The following GANC variants were observed in gnomAD, a reference collection of about 807,000 sequenced individuals.
GANC encodes the protein glucosidase alpha, neutral C, also known as neutral alpha-glucosidase C.
In GANC, 117 loss-of-function variants were observed where a neutral mutation model predicts 124.2. That is an observed-to-expected ratio of 0.94 (90% confidence interval 0.81 to 1.10). GANC has a LOEUF of 1.10. GANC is among the 50% of genes least tolerant of loss of function. The pLI, the probability that GANC is intolerant of heterozygous loss-of-function variation, is 0.00. For synonymous variants in GANC, 377 were observed against 376.8 expected (o/e 1.00, Z -0.01); for missense variants, 1,140 against 1,095.0 (o/e 1.04, Z -0.58).
chr15:42,322,275 G>A (rs1386556759), intron 11 of GANC, among the ~76,000 whole-genome samples: 1 of 152,084 alleles, frequency 6.6e-6, no homozygotes, highest in Admixed American at 6.5e-5. Flanking sequence ...CGTTTGTTGT[G>A]GCCACCCTGT....
Position 42,286,663 on chromosome 15 carries a change from T to C in GANC, c.202-1028T>C, listed in dbSNP as rs140014238. Among the ~76,000 whole-genome samples the C allele has an allele frequency of 9.7e-3, 1,478 of 152,332 alleles. 15 individuals carry two copies. The highest frequency in any genetic ancestry group is 0.016 in the Non-Finnish European group (1,080 of 68,016). On this transcript the variant is annotated intron_variant, in intron 3 of 23. Coordinates refer to ENST00000318010, the MANE Select transcript of GANC (RefSeq NM_198141.3). ...TCACTGTTCATTATCATGTTACAGT[T>C]TAACTGCCCTGATTGCTTCCCTGTT...
intron 18 of GANC, among the ~76,000 whole-genome samples, chr15:42,342,863 G>A (rs2052337242): frequency 6.6e-6 from 1 of 152,138 alleles, no homozygotes; most frequent in African/African-American, 2.4e-5. Flanking sequence ...TTAATGACAG[G>A]CGATGACCTT....
At position 42,338,448 on chromosome 15, in the gene GANC, A is replaced by G. The variant is rs137930063; in HGVS notation, c.1801A>G (p.Met601Val). The G allele has an allele frequency of 2.5e-4, 407 of 1,614,042 alleles. 6 individuals carry two copies. In the South Asian group the frequency reaches 3.7e-3, roughly 15 times the overall value. The stretch of plus-strand genomic sequence containing the variant: ...GAGCAACTTGAAAATTTCTATCCCA[A>G]TGTTACTCACTCTCAGCATTACTGG... ...EWSNLKISIPMLLTLSITGIS... is the reference protein window; with the variant it reads ...EWSNLKISIPVLLTLSITGIS... Residue 601 changes from methionine to valine, a missense_variant, in exon 16 of 24, where the codon ATG becomes GTG. By Grantham distance (21) the Met-to-Val change is conservative. Coordinates refer to ENST00000318010, the MANE Select transcript of GANC (RefSeq NM_198141.3).
intron 10 of GANC, among the ~76,000 whole-genome samples, chr15:42,319,850 T>A (rs1235289757): frequency 6.6e-6 from 1 of 152,166 alleles, no homozygotes; most frequent in African/African-American, 2.4e-5. Context: ...AATGCTCCAA[T>A]GAGCATTTCC....
chr15:42,322,604 C>T (rs1298927240), intron 11 of GANC, among the ~76,000 whole-genome samples: 2 of 151,912 alleles, frequency 1.3e-5, no homozygotes, highest in South Asian at 2.1e-4. Context: ...AGATACGGGC[C>T]GAAGGGTAAG....
rs1292999188 is a variant in GANC, at chr15:42,326,322, A to G, written c.1318A>G (p.Ile440Val). ...RKLVVISDPH[I>V]KIDPDYSVYV... is the part of the protein sequence containing the mutation. ...GCTTGTGGTCATCAGTGATCCCCAC[A>G]TCAAGATTGATCCTGACTACTCAGT... is the stretch of plus-strand genomic sequence containing the variant. The change falls in exon 12 of 24, where the codon ATC (isoleucine) becomes GTC (valine). Residue 440 changes from isoleucine (I) to valine (V), a missense_variant. Coordinates refer to ENST00000318010, the MANE Select transcript of GANC (RefSeq NM_198141.3). The G allele has an allele frequency of 6.2e-7, 1 of 1,613,958 alleles. No individual in the cohort carries two copies. The highest frequency in any genetic ancestry group is 2.2e-5 in the East Asian group (1 of 44,874).
Position 42,321,991 on chromosome 15 carries a change from C to G in GANC, c.1264C>G (p.Gln422Glu). 1.2e-6 allele frequency: 2 copies of G among 1,613,530 alleles called. No homozygotes were observed. The highest frequency in any genetic ancestry group is 1.7e-6 in the Non-Finnish European group (2 of 1,179,734). ...KNRFPNPKRM[Q>E]ELLRSKKRKL... ...CAGATTCCCAAACCCCAAGAGGATG[C>G]AAGAGCTGCTCAGGAGCAAAAAGCG... The change falls in exon 11 of 24, where the codon CAA (glutamine) becomes GAA (glutamate). Residue 422 changes from glutamine (Q) to glutamate (E), a missense_variant. By Grantham distance (29) the Gln-to-Glu change is conservative. Transcript: ENST00000318010.
intron 2 of GANC, among the ~76,000 whole-genome samples, chr15:42,277,003 T>G (rs2051677960): frequency 6.6e-6 from 1 of 152,324 alleles, no homozygotes; most frequent in East Asian, 1.9e-4. Context: ...TATAATTTAT[T>G]CAGTCTGTCT....
At chr15:42,305,799 T>C (rs1349237814) in intron 6 of GANC, among the ~76,000 whole-genome samples, 1 of 152,096 alleles carries the variant, frequency 6.6e-6, no homozygotes, top group Non-Finnish European at 1.5e-5. Context: ...TGCAGAGACA[T>C]GGATGAAGCT....
In GANC at chr15:42,284,930, C is replaced by T. The variant is rs148678285; in HGVS notation, c.202-2761C>T. 6.5e-3 allele frequency among the ~76,000 whole-genome samples: 989 copies of T among 152,250 alleles called. 12 individuals carry two copies. Among genetic ancestry groups the T allele is most frequent in the Non-Finnish European group, 8.6e-3 (585 of 68,026 alleles). ...ACCTGGCTACAATTGAGTGTAACTACTTATATTATCTAAGGATTAATACTA... is the reference window on the plus strand; with the variant it reads ...ACCTGGCTACAATTGAGTGTAACTATTTATATTATCTAAGGATTAATACTA... On this transcript the variant is annotated intron_variant, in intron 3 of 23. Transcript: ENST00000318010.
At chr15:42,301,093 C>T (rs112744138) in intron 6 of GANC, among the ~76,000 whole-genome samples, 9,121 of 151,618 alleles carry the variant, frequency 0.06, 392 homozygotes, top group South Asian at 0.16. Context: ...GGAACAGCTC[C>T]GGCCTGCAGC....
intron 13 of GANC, 148 bp downstream of exon 13, chr15:42,327,590 G>C (rs2141062040): frequency 1.6e-6 from 1 of 630,800 alleles, no homozygotes; most frequent in Middle Eastern, 4.2e-4. Context: ...CCACATTACA[G>C]ACTCTGGGGG....
At chr15:42,350,325 C>CAGCGAGTCGTCTTTT (rs1566963142) in intron 22 of GANC, among the ~76,000 whole-genome samples, 12 of 151,986 alleles carry the variant, frequency 7.9e-5, no homozygotes, top group African/African-American at 2.9e-4. Context: ...CCACTCCGCC[C>CAGCGAGTCGTCTTTT]ATCTCCCCGA....
At chr15:42,341,610 C>T (rs2052329844) in intron 18 of GANC, among the ~76,000 whole-genome samples, 1 of 151,658 alleles carries the variant, frequency 6.6e-6, no homozygotes, top group Non-Finnish European at 1.5e-5. Flanking sequence ...GTCACCCAGG[C>T]TGGAGTGCAG....
intron 3 of GANC, among the ~76,000 whole-genome samples, chr15:42,280,396 C>T (rs1411686453): frequency 1.3e-5 from 2 of 152,014 alleles, no homozygotes; most frequent in African/African-American, 4.8e-5. Flanking sequence ...GGTAACTGTT[C>T]ATGGAGAAAA....
chr15:42,315,188 G>GA (rs2052091032), intron 10 of GANC, among the ~76,000 whole-genome samples: 1 of 151,528 alleles, frequency 6.6e-6, no homozygotes, highest in Admixed American at 6.6e-5. Context: ...ATTGGAAATG[G>GA]AAAAAAATAA....
At chr15:42,280,531 A>G (rs1038471403) in intron 3 of GANC, among the ~76,000 whole-genome samples, 15 of 152,160 alleles carry the variant, frequency 9.9e-5, no homozygotes, top group Non-Finnish European at 2.2e-4. Flanking sequence ...CAGGAAATGC[A>G]TCAAGTCCAT....
intron 21 of GANC, 129 bp from the exon 22 acceptor site, chr15:42,349,254 G>A (rs181583855): frequency 1.6e-6 from 1 of 639,212 alleles, no homozygotes; most frequent in Non-Finnish European, 2.8e-6. Context: ...TTAGGTATTT[G>A]TACGACTACT....
At chr15:42,312,547 C>A (rs1028070167) in intron 10 of GANC, among the ~76,000 whole-genome samples, 1 of 152,240 alleles carries the variant, frequency 6.6e-6, no homozygotes, top group Non-Finnish European at 1.5e-5. Context: ...AAACTTCTTT[C>A]TTTTGTAGAT....
Sources: allele counts gnomAD v4.1 joint callset (sites outside exome capture counted in the v4.1 genomes callset), GRCh38; gene constraint gnomAD v4.1.1; transcripts MANE v1.5; gene names NCBI Gene and HGNC (gene_info 2026-07-23, HGNC 2026-07-21).